C10orf71: variants seen among roughly 807,000 people sequenced by gnomAD.
C10orf71 encodes the protein chromosome 10 open reading frame 71, also known as cardiac-enriched FHL2-interacting protein.
For synonymous variants in C10orf71, 758 were observed against 726.3 expected, an observed-to-expected ratio of 1.04 and a Z score of -0.70; for missense variants, 1,869 against 1,804.5, an observed-to-expected ratio of 1.04 and a Z score of -0.65.
chr10:49,324,297 T>G lies in C10orf71; in HGVS notation c.1752T>G (p.Ser584=), dbSNP rs767625364. 2 of 1,613,906 alleles carry G rather than the reference T, an allele frequency of 1.2e-6. No individual in the cohort carries two copies. Among genetic ancestry groups the G allele is most frequent in the Non-Finnish European group, 1.7e-6 (2 of 1,179,868 alleles). ...KDPTADPSEP[S]ADSYLTLSTA... ...CTACAGCTGACCCCAGTGAGCCCTCTGCAGACAGCTATCTAACTCTTAGCA... is the reference window on the plus strand; with the variant it reads ...CTACAGCTGACCCCAGTGAGCCCTCGGCAGACAGCTATCTAACTCTTAGCA... The change falls in exon 3 of 3, where the codon TCT becomes TCG. Residue 584 remains serine, a synonymous_variant. Coordinates refer to ENST00000374144, the MANE Select transcript of C10orf71 (RefSeq NM_001135196.2).
At position 49,324,358 on chromosome 10, in the gene C10orf71, A is replaced by G. The variant is rs1849171950; in HGVS notation, c.1813A>G (p.Asn605Asp). ...PTIAKAPFYV[N>D]GEAAERSSYE... ...TATCGCCAAAGCCCCCTTCTATGTC[A>G]ATGGGGAGGCTGCTGAGAGAAGCAG... The change falls in exon 3 of 3, where the codon AAT becomes GAT. Residue 605 changes from asparagine to aspartate, a missense_variant. Physicochemically the swap from Asn to Asp is conservative, Grantham distance 23 (BLOSUM62 1). Coordinates refer to ENST00000374144, the MANE Select transcript of C10orf71 (RefSeq NM_001135196.2). 6.2e-7 allele frequency: 1 copy of G among 1,613,754 alleles called. No homozygotes were observed. The highest frequency in any genetic ancestry group is 1.1e-5 in the South Asian group (1 of 91,052).
chr10:49,302,569 C>T (rs545500230), intron 1 of C10orf71, among the ~76,000 whole-genome samples: 138 of 152,194 alleles, frequency 9.1e-4, no homozygotes, highest in Non-Finnish European at 1.4e-3. Flanking sequence ...CGGAGGCAGG[C>T]GCCGAGGCTT....
chr10:49,325,489 G>A lies in C10orf71; in HGVS notation c.2944G>A (p.Ala982Thr). The change falls in exon 3 of 3, where the codon GCA (alanine) becomes ACA (threonine). Residue 982 changes from alanine (A) to threonine (T), a missense_variant. Physicochemically the swap from Ala to Thr is moderately conservative, Grantham distance 58. Coordinates refer to ENST00000374144, the MANE Select transcript of C10orf71 (RefSeq NM_001135196.2). ...APPDAAPGLV[A>T]SNCKSGSADS... The stretch of plus-strand genomic sequence containing the variant: ...ACCAGATGCTGCACCTGGCCTCGTG[G>A]CAAGCAATTGCAAGAGCGGTTCTGC... 1 of 1,550,480 alleles carries A rather than the reference G, an allele frequency of 6.4e-7. No homozygotes were observed. The highest frequency in any genetic ancestry group is 8.7e-7 in the Non-Finnish European group (1 of 1,146,152).
intron 1 of C10orf71, among the ~76,000 whole-genome samples, chr10:49,304,885 C>T (rs1848787358): frequency 6.6e-6 from 1 of 152,236 alleles, no homozygotes; most frequent in South Asian, 2.1e-4. Flanking sequence ...TGTCCCTTCA[C>T]CACCCACTTC....
upstream of C10orf71, among the ~76,000 whole-genome samples, chr10:49,297,802 G>C (rs1197828735): frequency 6.6e-6 from 1 of 152,182 alleles, no homozygotes; most frequent in African/African-American, 2.4e-5. Flanking sequence ...TGACCTTTTG[G>C]CATGCGTTTG....
intron 2 of C10orf71, among the ~76,000 whole-genome samples, chr10:49,317,428 A>G (rs1849017660): frequency 6.6e-6 from 1 of 151,436 alleles, no homozygotes; most frequent in Non-Finnish European, 1.5e-5. Flanking sequence ...GCACCCTCTA[A>G]AAAAAATCGT....
intron 1 of C10orf71, among the ~76,000 whole-genome samples, chr10:49,304,509 T>G (rs1848780829): frequency 6.6e-6 from 1 of 152,312 alleles, no homozygotes; most frequent in East Asian, 1.9e-4. Context: ...GGGCTAACAT[T>G]TGGTGACAGC....
In C10orf71 at chr10:49,324,312, A is replaced by C. The variant is rs1382582101; in HGVS notation, c.1767A>C (p.Leu589=). 2 of 1,613,880 alleles carry C rather than the reference A, an allele frequency of 1.2e-6. No homozygotes were observed. The highest frequency in any genetic ancestry group is 4.5e-5 in the East Asian group (2 of 44,874). Residue 589 remains leucine, a synonymous_variant, in exon 3 of 3, where the codon CTA becomes CTC. Coordinates refer to ENST00000374144, the MANE Select transcript of C10orf71 (RefSeq NM_001135196.2). ...GTGAGCCCTCTGCAGACAGCTATCTAACTCTTAGCACAGCTCCGACTATCG... is the reference window on the plus strand; with the variant it reads ...GTGAGCCCTCTGCAGACAGCTATCTCACTCTTAGCACAGCTCCGACTATCG... ...DPSEPSADSY[L]TLSTAPTIAK...
intron 1 of C10orf71, among the ~76,000 whole-genome samples, chr10:49,300,917 A>T (rs1242719724): frequency 6.6e-6 from 1 of 152,098 alleles, no homozygotes; most frequent in Non-Finnish European, 1.5e-5. Flanking sequence ...TGGGGAGAGA[A>T]AGCTGTTGAG....
Position 49,310,364 on chromosome 10 carries a change from G to A in C10orf71, c.-247-5781G>A, listed in dbSNP as rs73307874. Among the ~76,000 whole-genome samples the A allele has an allele frequency of 8.4e-3, 1,283 of 152,262 alleles. 16 individuals are homozygous for A. The highest frequency in any genetic ancestry group is 0.03 in the African/African-American group (1,230 of 41,538). ...GAACTCCAGCCCATGAGCCATAAGC[G>A]GGGCTGGCAACACCTCCCAGGACAC... On this transcript the variant is annotated intron_variant, in intron 1 of 2. Coordinates refer to ENST00000374144, the MANE Select transcript of C10orf71 (RefSeq NM_001135196.2).
intron 1 of C10orf71, among the ~76,000 whole-genome samples, chr10:49,311,615 G>A (rs898397463): frequency 1.2e-4 from 19 of 152,360 alleles, no homozygotes; most frequent in East Asian, 3.9e-4. Flanking sequence ...TAGATTCACC[G>A]CAGTGCAGGA....
At chr10:49,307,229 G>A (rs113977796) in intron 1 of C10orf71, among the ~76,000 whole-genome samples, 276 of 152,174 alleles carry the variant, frequency 1.8e-3, no homozygotes, top group African/African-American at 6.0e-3. Flanking sequence ...CTCGCCAGGA[G>A]AAGCCAAGGG....
chr10:49,322,761 G>A lies in C10orf71; in HGVS notation c.216G>A (p.Val72=). 1 of 1,613,676 alleles carries A rather than the reference G, an allele frequency of 6.2e-7. No individual in the cohort carries two copies. The highest frequency in any genetic ancestry group is 1.1e-5 in the South Asian group (1 of 91,054). Residue 72 remains valine (V), a synonymous_variant, in exon 3 of 3, where the codon GTG becomes GTA. Coordinates refer to ENST00000374144, the MANE Select transcript of C10orf71 (RefSeq NM_001135196.2). Reference sequence around the variant, plus strand: ...TTGGGACTTTTCACCAGAGAACAGTGGGCCACACCCAGAGGAAAAGTGGCA... The same window carrying A: ...TTGGGACTTTTCACCAGAGAACAGTAGGCCACACCCAGAGGAAAAGTGGCA... ...QVFGTFHQRT[V]GHTQRKSGIW... is the part of the protein sequence containing the mutation.
At position 49,326,313 on chromosome 10, in the gene C10orf71, G is replaced by C; in HGVS notation, c.3768G>C (p.Arg1256Ser). ...SVSGFSEPVGRRPGGPQSLTP... is the reference protein window; with the variant it reads ...SVSGFSEPVGSRPGGPQSLTP... ...CCGGCTTCTCGGAGCCTGTCGGGAG[G>C]CGGCCCGGGGGCCCCCAGTCCCTCA... is the stretch of plus-strand genomic sequence containing the variant. The change falls in exon 3 of 3, where the codon AGG becomes AGC. Residue 1256 changes from arginine (R) to serine (S), a missense_variant. Arg to Ser is a moderately radical substitution (Grantham distance 110). Transcript: ENST00000374144. 3.9e-6 allele frequency: 6 copies of C among 1,549,536 alleles called. No homozygotes were observed. The highest frequency in any genetic ancestry group is 5.2e-6 in the Non-Finnish European group (6 of 1,146,412).
At chr10:49,314,291 A>G (rs747960921) in intron 1 of C10orf71, among the ~76,000 whole-genome samples, 16 of 152,234 alleles carry the variant, frequency 1.1e-4, no homozygotes, top group Non-Finnish European at 2.1e-4. Flanking sequence ...TGACCAGGTC[A>G]TAATTAAATA....
chr10:49,326,810 C>T lies in C10orf71; in HGVS notation c.4265C>T (p.Ser1422Phe), dbSNP rs1443887791. Residue 1422 changes from serine (S) to phenylalanine (F), a missense_variant, in exon 3 of 3, where the codon TCC (serine) becomes TTC (phenylalanine). Transcript: ENST00000374144. ...GAAGCTCCAGGCCTGGGCATCATCT[C>T]CACTGATGACCTAGAGGACTTTGCC... ...GVEAPGLGII[S>F]TDDLEDFATE... 2 of 1,548,874 alleles carry T rather than the reference C, an allele frequency of 1.3e-6. No individual in the cohort carries two copies. The highest frequency in any genetic ancestry group is 4.9e-5 in the East Asian group (2 of 40,888).
intron 1 of C10orf71, among the ~76,000 whole-genome samples, chr10:49,305,398 C>T (rs7923735): frequency 0.1 from 15,225 of 152,166 alleles, 875 homozygotes; most frequent in East Asian, 0.28. Context: ...GCGCTACACA[C>T]GTTTCTCCTC....
chr10:49,325,269 C>T lies in C10orf71; in HGVS notation c.2724C>T (p.Pro908=), dbSNP rs548107137. The T allele has an allele frequency of 5.2e-5, 80 of 1,551,722 alleles. No individual in the cohort carries two copies. In the Admixed American group the frequency reaches 6.5e-4, roughly 13 times the overall value. Residue 908 remains proline, a synonymous_variant, in exon 3 of 3, where the codon CCC becomes CCT. Coordinates refer to ENST00000374144, the MANE Select transcript of C10orf71 (RefSeq NM_001135196.2). The part of the protein sequence containing the change: ...EWGEDPGFCA[P]ENQDILGTST... Reference sequence around the variant, plus strand: ...GTGAGGATCCTGGGTTTTGTGCCCCCGAAAACCAGGACATTCTTGGTACAT... The same window carrying T: ...GTGAGGATCCTGGGTTTTGTGCCCCTGAAAACCAGGACATTCTTGGTACAT...
Position 49,327,092 on chromosome 10 carries a change from C to T in C10orf71, c.*239C>T, listed in dbSNP as rs1849277329. The T allele has an allele frequency of 7.1e-7, 1 of 1,407,246 alleles. No homozygotes were observed. The highest frequency in any genetic ancestry group is 9.5e-7 in the Non-Finnish European group (1 of 1,052,244). The allele number at this position is 1,407,246 out of a possible 1,614,324, so 87.2% of individuals were successfully genotyped here. A position where few individuals can be genotyped will look rare whatever the true frequency, so the allele number is the denominator to read the frequency against. On this transcript the variant is annotated 3_prime_UTR_variant, in exon 3 of 3. Transcript: ENST00000374144. ...AGGGGCACTGCTTGCTTGGCCCGGT[C>T]CCCTCCGTGCCAGTTCCCAGGCGCA... is the stretch of plus-strand genomic sequence containing the variant.
Sources: allele counts gnomAD v4.1 joint callset (sites outside exome capture counted in the v4.1 genomes callset), GRCh38; gene constraint gnomAD v4.1.1; transcripts MANE v1.5; gene names NCBI Gene and HGNC (gene_info 2026-07-23, HGNC 2026-07-21).